MAPKAPK3: variants seen among roughly 807,000 people sequenced by gnomAD.
The protein encoded by MAPKAPK3 is MAPK activated protein kinase 3.
MAPKAPK3 carries 35 observed loss-of-function variants against 49.2 expected under a neutral mutation model. The observed-to-expected ratio is 0.71, with a 90% CI of 0.54 to 0.94. MAPKAPK3 has a LOEUF of 0.94. MAPKAPK3 is among the 40% of genes least tolerant of loss of function. The probability of loss-of-function intolerance (pLI) is 0.00; values close to 1 mark genes in which losing one functional copy is unlikely to be tolerated. For missense variants in MAPKAPK3, 398 were observed against 493.1 expected (o/e 0.81, Z 1.83); for synonymous variants, 178 against 188.7 (o/e 0.94, Z 0.46).
chr3:50,641,174 T>C (rs1042045316), intron 3 of MAPKAPK3, among the ~76,000 whole-genome samples: 8 of 152,200 alleles, frequency 5.3e-5, no homozygotes, highest in Admixed American at 5.2e-4. Flanking sequence ...AAGTGGCCCA[T>C]GTGTATTGCA....
chr3:50,625,230 G>A (rs1446483371), intron 2 of MAPKAPK3, among the ~76,000 whole-genome samples: 6 of 152,188 alleles, frequency 3.9e-5, no homozygotes, highest in Non-Finnish European at 7.3e-5. Context: ...TAGGCCGGCA[G>A]ACACTCAGAA....
chr3:50,616,204 G>C (rs956374888), upstream of MAPKAPK3, among the ~76,000 whole-genome samples: 2 of 152,142 alleles, frequency 1.3e-5, no homozygotes, highest in Admixed American at 6.5e-5. Flanking sequence ...CTTCCGGATT[G>C]GGGGAGTGAT....
chr3:50,641,632 T>C, intron 3 of MAPKAPK3, 75 bp from the exon 4 acceptor site: 1 of 1,215,440 alleles, frequency 8.2e-7, no homozygotes, highest in South Asian at 1.2e-5. Context: ...AGCCTGGGCC[T>C]ATGATTTGGG....
At position 50,648,148 on chromosome 3, in the gene MAPKAPK3, G is replaced by A. The variant is rs2033350139; in HGVS notation, c.*102G>A. On this transcript the variant is annotated 3_prime_UTR_variant, in exon 11 of 11. Coordinates refer to ENST00000621469, the MANE Select transcript of MAPKAPK3 (RefSeq NM_001243925.2). Reference sequence around the variant, plus strand: ...GCCCAGGGTCATTCTTTTAACAAAAGGATTATTTTGTTGTGTTTTAATTTG... The same window carrying A: ...GCCCAGGGTCATTCTTTTAACAAAAAGATTATTTTGTTGTGTTTTAATTTG... The A allele has an allele frequency of 8.3e-7, 1 of 1,204,230 alleles. No individual in the cohort carries two copies. Among genetic ancestry groups the A allele is most frequent in the African/African-American group, 1.5e-5 (1 of 65,566 alleles). The allele number at this position is 1,204,230 out of a possible 1,614,324, so 74.6% of individuals were successfully genotyped here.
chr3:50,644,279 G>A (rs2033239429), intron 5 of MAPKAPK3, 130 bp from the exon 6 acceptor site: 1 of 1,072,930 alleles, frequency 9.3e-7, no homozygotes, highest in African/African-American at 1.6e-5. Flanking sequence ...CAAGGCCCGG[G>A]TCTTTTTATA....
At chr3:50,627,870 C>T (rs2032800661) in intron 2 of MAPKAPK3, among the ~76,000 whole-genome samples, 1 of 152,102 alleles carries the variant, frequency 6.6e-6, no homozygotes, top group South Asian at 2.1e-4. Flanking sequence ...TGGCTAGTGC[C>T]CCTGCTACCC....
intron 2 of MAPKAPK3, among the ~76,000 whole-genome samples, chr3:50,627,637 G>A (rs4340700): frequency 0.95 from 145,254 of 152,214 alleles, 69,719 homozygotes; most frequent in East Asian, 1. Flanking sequence ...GCCTAGTCTC[G>A]TGGCAGGAAC....
rs1559491747 is a variant in MAPKAPK3 at position 50,647,964 on chromosome 3, C to T, written c.1067C>T (p.Thr356Ile). Residue 356 changes from threonine to isoleucine, a missense_variant, in exon 11 of 11, where the codon ACC becomes ATC. By Grantham distance (89) the Thr-to-Ile change is moderately conservative (BLOSUM62 -1). Around this residue, in one of 5 missense-constraint regions of MAPKAPK3, gnomAD observed 152 missense variants for 177.3 expected, o/e 0.86. Coordinates refer to ENST00000621469, the MANE Select transcript of MAPKAPK3 (RefSeq NM_001243925.2). ...CAGGTGAAGATCAAGGACCTGAAGA[C>T]CTCTAACAACCGGCTCCTCAACAAG... ...YDQVKIKDLK[T>I]SNNRLLNKRR... is the part of the protein sequence containing the mutation. 1 of 1,613,998 alleles carries T rather than the reference C, an allele frequency of 6.2e-7. No homozygotes were observed. Among genetic ancestry groups the T allele is most frequent in the Non-Finnish European group, 8.5e-7 (1 of 1,179,980 alleles).
chr3:50,611,839 G>T, upstream of MAPKAPK3: 1 of 680,680 alleles, frequency 1.5e-6, no homozygotes, highest in Non-Finnish European at 2.2e-6. Flanking sequence ...GGGGCGGGGC[G>T]AGCTGCTGCC....
intron 6 of MAPKAPK3, among the ~76,000 whole-genome samples, chr3:50,644,844 G>T (rs921732147): frequency 2.0e-5 from 3 of 152,144 alleles, no homozygotes; most frequent in Non-Finnish European, 2.9e-5. Flanking sequence ...GCCCAACCGC[G>T]GTTGTTTTTC....
chr3:50,631,792 C>G (rs2032920622), intron 2 of MAPKAPK3, among the ~76,000 whole-genome samples: 1 of 152,154 alleles, frequency 6.6e-6, no homozygotes, highest in Admixed American at 6.5e-5. Flanking sequence ...AATAGGGGTT[C>G]CCAACAATGA....
In MAPKAPK3 at chr3:50,642,338, G is replaced by C; in HGVS notation, c.504+6G>C. 6.2e-7 allele frequency: 1 copy of C among 1,610,874 alleles called. No individual in the cohort carries two copies. Among genetic ancestry groups the C allele is most frequent in the Non-Finnish European group, 8.5e-7 (1 of 1,178,980 alleles). ...TTGCCCACCGAGATGTCAAGGTGAG[G>C]CTCCAGGATTCAGGTTGGGGGCCCG... On this transcript the variant is annotated splice_donor_region_variant and intron_variant, in intron 5 of 10. Coordinates refer to ENST00000621469, the MANE Select transcript of MAPKAPK3 (RefSeq NM_001243925.2).
intron 9 of MAPKAPK3, 106 bp from the exon 10 acceptor site, chr3:50,647,017 C>A: frequency 8.6e-7 from 1 of 1,167,184 alleles, no homozygotes; most frequent in South Asian, 1.4e-5. Context: ...CCACCCTGAG[C>A]CTTGGTTTTT....
upstream of MAPKAPK3, chr3:50,611,895 T>A (rs999270829): frequency 2.8e-5 from 14 of 507,196 alleles, no homozygotes; most frequent in Middle Eastern, 1.1e-3. Context: ...AAGCAGCGTC[T>A]TCCTAGAACC....
At chr3:50,639,736 C>T (rs902812237) in intron 2 of MAPKAPK3, among the ~76,000 whole-genome samples, 7 of 152,092 alleles carry the variant, frequency 4.6e-5, no homozygotes, top group African/African-American at 1.4e-4. Flanking sequence ...CCTTCTCACT[C>T]CAGCACTCTC....
Position 50,617,287 on chromosome 3 carries a change from G to A in MAPKAPK3, c.-53+46G>A, listed in dbSNP as rs922484924. The A allele has an allele frequency of 3.2e-5, 11 of 340,034 alleles. No individual in the cohort carries two copies. In the Admixed American group the frequency reaches 4.4e-4, roughly 14 times the overall value. 21.1% of individuals were successfully genotyped at this position (340,034 alleles called of 1,614,324 possible). On this transcript the variant is annotated intron_variant, in intron 1 of 10. Coordinates refer to ENST00000621469, the MANE Select transcript of MAPKAPK3 (RefSeq NM_001243925.2). The stretch of plus-strand genomic sequence containing the variant: ...CTCTGCGGCCTCCTCCGGGGACCTC[G>A]CGGCCATTAGGCGCCCGGCCCCTTC...
chr3:50,620,019 A>C (rs924793204), intron 2 of MAPKAPK3, among the ~76,000 whole-genome samples: 1 of 151,958 alleles, frequency 6.6e-6, no homozygotes, highest in Non-Finnish European at 1.5e-5. Flanking sequence ...TGTGGCTCCC[A>C]CTCCAGGACC....
upstream of MAPKAPK3, chr3:50,611,608 AG>A: frequency 6.6e-7 from 1 of 1,522,370 alleles, no homozygotes; most frequent in Admixed American, 2.1e-5. Context: ...GTGGCCGGGA[AG>A]GGGGCAGAGA....
intron 2 of MAPKAPK3, among the ~76,000 whole-genome samples, chr3:50,633,090 G>A (rs1415414870): frequency 8.6e-5 from 1 of 11,638 alleles, no homozygotes; most frequent in African/African-American, 9.3e-5. Flanking sequence ...CTGCCATGGT[G>A]ACCAGTGGGA....
Sources: gnomAD v4.1 joint callset for allele counts (sites outside exome capture counted in the v4.1 genomes callset) on GRCh38, gnomAD v4.1.1 for gene constraint, gnomAD v4.1.1 regional missense constraint, MANE v1.5 for transcripts, NCBI Gene and HGNC (gene_info 2026-07-23, HGNC 2026-07-21) for gene names.